GRAMD2A: variants seen among roughly 807,000 people sequenced by gnomAD.
GRAMD2A encodes the protein GRAM domain containing 2A.
In GRAMD2A, 37 loss-of-function variants were observed where a neutral mutation model predicts 51.1. That is an observed-to-expected ratio of 0.72 (90% CI 0.56 to 0.95). The LOEUF is 0.95. Ranked by LOEUF, GRAMD2A falls within the 40% of genes least tolerant of loss-of-function variation. The pLI is 0.00. For missense variants in GRAMD2A, 414 were observed against 426.9 expected, an observed-to-expected ratio of 0.97 and a Z score of 0.27; for synonymous variants, 136 against 157.1, an observed-to-expected ratio of 0.87 and a Z score of 1.01.
intron 1 of GRAMD2A, among the ~76,000 whole-genome samples, chr15:72,194,495 A>C (rs1278476539): frequency 6.6e-6 from 1 of 152,188 alleles, no homozygotes; most frequent in Non-Finnish European, 1.5e-5. Context: ...TATGCAGAAG[A>C]CAGGGAAATG....
chr15:72,168,340 C>A, intron 4 of GRAMD2A, 151 bp downstream of exon 4: 1 of 664,534 alleles, frequency 1.5e-6, no homozygotes, highest in Non-Finnish European at 2.7e-6. Context: ...GTCTTCTCAC[C>A]AGCCCAGTCT....
intron 1 of GRAMD2A, among the ~76,000 whole-genome samples, chr15:72,174,448 C>T (rs2081637279): frequency 6.6e-6 from 1 of 152,220 alleles, no homozygotes; most frequent in Non-Finnish European, 1.5e-5. Context: ...CGCTCTGTCC[C>T]ATCCAGTCCC....
At chr15:72,197,119 G>A (rs942008920) in intron 1 of GRAMD2A, among the ~76,000 whole-genome samples, 1 of 152,226 alleles carries the variant, frequency 6.6e-6, no homozygotes, top group Admixed American at 6.5e-5. Context: ...TTCTCCCAGG[G>A]CGACTTTGGA....
In GRAMD2A at chr15:72,163,470, G is replaced by A. The variant is rs1470378934; in HGVS notation, c.752C>T (p.Ser251Leu). Residue 251 changes from serine (S) to leucine (L), a missense_variant, in exon 10 of 12, where the codon TCA (serine) becomes TTA (leucine). By Grantham distance (145) the Ser-to-Leu change is moderately radical. Coordinates refer to ENST00000309731, the MANE Select transcript of GRAMD2A (RefSeq NM_001012642.3). ...PSRKPPMSEKSRAQVASENGG... is the reference protein window; with the variant it reads ...PSRKPPMSEKLRAQVASENGG... ...ATTTTCTGAAGCTACTTGGGCTCTTGACTTTTCTTTATGGATTGGGAGAAA... is the reference window on the plus strand; with the variant it reads ...ATTTTCTGAAGCTACTTGGGCTCTTAACTTTTCTTTATGGATTGGGAGAAA... The A allele has an allele frequency of 1.9e-6, 3 of 1,613,368 alleles. No homozygotes were observed. The highest frequency in any genetic ancestry group is 8.5e-7 in the Non-Finnish European group (1 of 1,179,704).
At chr15:72,175,179 C>A (rs79738551) in intron 1 of GRAMD2A, among the ~76,000 whole-genome samples, 2 of 152,130 alleles carry the variant, frequency 1.3e-5, no homozygotes, top group Non-Finnish European at 2.9e-5. Context: ...AGGTCCCCCC[C>A]AAGATAACCC....
chr15:72,164,701 G>A (rs1019888396), intron 8 of GRAMD2A, among the ~76,000 whole-genome samples: 5 of 150,860 alleles, frequency 3.3e-5, no homozygotes, highest in African/African-American at 1.2e-4. Context: ...CACCACACTC[G>A]GCTCCCAGGG....
At chr15:72,193,576 A>G (rs1161816079) in intron 1 of GRAMD2A, among the ~76,000 whole-genome samples, 4 of 147,652 alleles carry the variant, frequency 2.7e-5, no homozygotes, top group Middle Eastern at 3.5e-3. Flanking sequence ...AGGCTGGAGT[A>G]CAGTGGCGTG....
At chr15:72,195,465 A>T (rs552419592) in intron 1 of GRAMD2A, among the ~76,000 whole-genome samples, 30 of 152,298 alleles carry the variant, frequency 2.0e-4, no homozygotes, top group Non-Finnish European at 3.1e-4. Flanking sequence ...AGGCACTAAC[A>T]GCGCAGCAGC....
intron 1 of GRAMD2A, among the ~76,000 whole-genome samples, chr15:72,180,471 G>A (rs2081688574): frequency 6.6e-6 from 1 of 152,248 alleles, no homozygotes; most frequent in Non-Finnish European, 1.5e-5. Context: ...TGCTAAGTGA[G>A]GGGGCCTGCA....
At chr15:72,167,307 T>C (rs1425289247) in intron 5 of GRAMD2A, among the ~76,000 whole-genome samples, 1 of 152,186 alleles carries the variant, frequency 6.6e-6, no homozygotes, top group Non-Finnish European at 1.5e-5. Context: ...GTGTCACTCT[T>C]GGCTGTCACA....
intron 1 of GRAMD2A, chr15:72,173,606 C>G (rs938731761): frequency 6.6e-6 from 1 of 152,142 alleles, no homozygotes; most frequent in African/African-American, 2.4e-5. Flanking sequence ...CCACCAAACC[C>G]GGCCAACTTT....
In GRAMD2A at chr15:72,163,658, C is replaced by A. The variant is rs755394773; in HGVS notation, c.700G>T (p.Asp234Tyr). The change falls in exon 9 of 12, where the codon GAC becomes TAC. Residue 234 changes from aspartate to tyrosine, a missense_variant. By Grantham distance (160) the Asp-to-Tyr change is radical. Transcript: ENST00000309731. ...GAGGGGAAGAAACTGTCTGTGGAGT[C>A]CACGGATGATGGAGGGATACAAGGG... ...NIPCIPPSSV[D>Y]STDSFFPSRK... is the part of the protein sequence containing the mutation. 1 of 1,609,068 alleles carries A rather than the reference C, an allele frequency of 6.2e-7. No homozygotes were observed. The highest frequency in any genetic ancestry group is 1.1e-5 in the South Asian group (1 of 89,822).
Position 72,170,377 on chromosome 15 carries a change from T to C in GRAMD2A, c.42-438A>G, listed in dbSNP as rs1179256329. 1 of 456,522 alleles carries C rather than the reference T, an allele frequency of 2.2e-6. No individual in the cohort carries two copies. Among genetic ancestry groups the C allele is most frequent in the East Asian group, 6.9e-5 (1 of 14,406 alleles). The allele number at this position is 456,522 out of a possible 1,614,324, so 28.3% of individuals were successfully genotyped here. ...TGTAAACCATCAGGTTCCGGGAAAG[T>C]AGGCTGAGCACAGGAGGCCTTATCA... On this transcript the variant is annotated intron_variant, in intron 1 of 11. Transcript: ENST00000309731. The surrounding 1 kb of genome is among the most constrained non-coding windows in gnomAD (Gnocchi z 4.5).
intron 4 of GRAMD2A, 82 bp from the exon 5 acceptor site, chr15:72,167,921 T>G (rs2081566380): frequency 1.1e-6 from 1 of 922,720 alleles, no homozygotes; most frequent in South Asian, 1.3e-5. Flanking sequence ...CGTTCTGGAG[T>G]CCACAGTCCA....
Position 72,163,283 on chromosome 15 carries a change from G to A in GRAMD2A, c.939C>T (p.Leu313=), listed in dbSNP as rs1037260650. The A allele has an allele frequency of 1.9e-6, 3 of 1,613,634 alleles. No individual in the cohort carries two copies. Among genetic ancestry groups the A allele is most frequent in the Non-Finnish European group, 2.5e-6 (3 of 1,179,670 alleles). The change falls in exon 10 of 12, where the codon CTC becomes CTT. Residue 313 remains leucine, a synonymous_variant. Coordinates refer to ENST00000309731, the MANE Select transcript of GRAMD2A (RefSeq NM_001012642.3). ...TCACTTACAGCACAAAGAAGACCTT[G>A]AGGAGCCGGTAATCCCAGAGCCTCA... ...GELRLWDYRL[L]KVFFVLICFL... is the part of the protein sequence containing the mutation.
chr15:72,184,705 C>G (rs904804753), intron 1 of GRAMD2A, among the ~76,000 whole-genome samples: 2 of 152,228 alleles, frequency 1.3e-5, no homozygotes, highest in Non-Finnish European at 2.9e-5. Flanking sequence ...CAGGGAGAAC[C>G]CCAGATTGTC....
chr15:72,191,260 T>C (rs917525829), intron 1 of GRAMD2A, among the ~76,000 whole-genome samples: 5 of 151,856 alleles, frequency 3.3e-5, no homozygotes, highest in Non-Finnish European at 7.4e-5. Context: ...AGTGCAATGG[T>C]GTGATCTCAG....
chr15:72,189,678 G>C (rs376788399), intron 1 of GRAMD2A, among the ~76,000 whole-genome samples: 6 of 152,190 alleles, frequency 3.9e-5, no homozygotes, highest in African/African-American at 7.2e-5. Context: ...GCACTGAAAG[G>C]AAAGTACGTT....
In GRAMD2A at chr15:72,162,295, C is replaced by T; in HGVS notation, c.1039G>A (p.Asp347Asn). The change falls in exon 11 of 12, where the codon GAT becomes AAT. Residue 347 changes from aspartate (D) to asparagine (N), a missense_variant. Asp to Asn is a conservative substitution (Grantham distance 23). Transcript: ENST00000309731. ...CACCTGTGCCCAGGGACTGGGTCAT[C>T]CCAACTCAAGGAGCATAACTGCTGC... The part of the protein sequence containing the change: ...LEQQLCSLSW[D>N]DPVPGHR The T allele has an allele frequency of 6.2e-7, 1 of 1,613,790 alleles. No individual in the cohort carries two copies. The highest frequency in any genetic ancestry group is 1.7e-4 in the Middle Eastern group (1 of 6,060).
Sources: gnomAD v4.1 joint callset for allele counts (sites outside exome capture counted in the v4.1 genomes callset) on GRCh38, gnomAD v4.1.1 for gene constraint, Gnocchi (gnomAD v3.1) non-coding constraint, MANE v1.5 for transcripts, NCBI Gene and HGNC (gene_info 2026-07-23, HGNC 2026-07-21) for gene names.